The following ZBTB20 variants were observed in gnomAD, a reference collection of about 807,000 sequenced individuals.
The protein encoded by ZBTB20 is zinc finger and BTB domain-containing protein 20.
In ZBTB20, 9 loss-of-function variants were observed where a neutral mutation model predicts 56.9. The observed-to-expected ratio is 0.16, with a 90% CI of 0.10 to 0.28. The LOEUF is 0.28. Ranked by LOEUF, ZBTB20 falls within the 10% of genes least tolerant of loss-of-function variation. The pLI is 1.00. For missense variants in ZBTB20, 655 were observed against 1,003.0 expected (o/e 0.65, Z 4.69); for synonymous variants, 417 against 420.7 (o/e 0.99, Z 0.11).
intron 6 of ZBTB20, among the ~76,000 whole-genome samples, chr3:114,648,530 G>A (rs2059967151): frequency 6.6e-6 from 1 of 151,906 alleles, no homozygotes. Context: ...AAAGTGTACT[G>A]TTAACTACTA....
rs541302242 is a variant in ZBTB20 at position 114,411,172 on chromosome 3, G to C, written c.-254-22067C>G. 2.2e-3 allele frequency among the ~76,000 whole-genome samples: 342 copies of C among 152,244 alleles called. 4 individuals carry two copies. Among genetic ancestry groups the C allele is most frequent in the African/African-American group, 7.9e-3 (327 of 41,546 alleles). The stretch of plus-strand genomic sequence containing the variant: ...CAAAATATCAAAAATACACAAAGTG[G>C]GGGTGCAGAGGAGGTGCAGGATGCA... On this transcript the variant is annotated intron_variant, in intron 7 of 11. Coordinates refer to ENST00000675478, the MANE Select transcript of ZBTB20 (RefSeq NM_001348800.3).
At chr3:114,860,262 G>A (rs4682552) in intron 4 of ZBTB20, among the ~76,000 whole-genome samples, 114,058 of 151,580 alleles carry the variant, frequency 0.75, 47,258 homozygotes, top group East Asian at 0.99. Context: ...AGCCGAGATC[G>A]TGCCACTGCA....
At chr3:114,980,996 T>A (rs2108086662) in intron 2 of ZBTB20, among the ~76,000 whole-genome samples, 1 of 152,148 alleles carries the variant, frequency 6.6e-6, no homozygotes, top group African/African-American at 2.4e-5. Context: ...TATAATTTTA[T>A]CTTTCACTTA....
chr3:114,867,787 T>C (rs1403146688), intron 4 of ZBTB20, among the ~76,000 whole-genome samples: 1 of 152,154 alleles, frequency 6.6e-6, no homozygotes, highest in Non-Finnish European at 1.5e-5. Flanking sequence ...CATAGGGGCA[T>C]AAAAAGACTT....
At chr3:115,143,397 G>A (rs2084874348) in intron 1 of ZBTB20, among the ~76,000 whole-genome samples, 1 of 152,128 alleles carries the variant, frequency 6.6e-6, no homozygotes, top group Non-Finnish European at 1.5e-5. Flanking sequence ...TAGGCATGGT[G>A]GCATGCACCT....
intron 10 of ZBTB20, among the ~76,000 whole-genome samples, chr3:114,356,717 G>T (rs1219954570): frequency 6.6e-6 from 1 of 152,124 alleles, no homozygotes; most frequent in East Asian, 1.9e-4. Context: ...TTTGGTGACT[G>T]AGCCCCCTTA....
At chr3:114,598,011 T>C (rs1159495528) in intron 6 of ZBTB20, among the ~76,000 whole-genome samples, 1 of 152,106 alleles carries the variant, frequency 6.6e-6, no homozygotes. Flanking sequence ...CAGTAAAATC[T>C]CAGACACTGT....
intron 3 of ZBTB20, among the ~76,000 whole-genome samples, chr3:114,925,047 A>G (rs973812382): frequency 2.8e-5 from 4 of 144,194 alleles, no homozygotes; most frequent in Admixed American, 2.2e-4. Context: ...GCAGTGGCGC[A>G]ATCTCGGCTC....
chr3:114,550,208 A>G (rs6769596), intron 6 of ZBTB20, among the ~76,000 whole-genome samples: 27,170 of 152,152 alleles, frequency 0.18, 2,590 homozygotes, highest in South Asian at 0.26. Context: ...AAAGTGCTGG[A>G]ATTACAGGCA....
At chr3:115,131,438 G>A (rs992298673) in intron 1 of ZBTB20, among the ~76,000 whole-genome samples, 1 of 152,102 alleles carries the variant, frequency 6.6e-6, no homozygotes, top group Non-Finnish European at 1.5e-5. Context: ...ATCTGAGATA[G>A]CTTTATTTCA....
intron 4 of ZBTB20, among the ~76,000 whole-genome samples, chr3:114,841,511 T>A (rs1363926637): frequency 6.6e-6 from 1 of 152,094 alleles, no homozygotes; most frequent in Non-Finnish European, 1.5e-5. Context: ...TTAGGTGAGA[T>A]AAGATGGTAC....
chr3:114,574,011 G>A (rs2053729765), intron 6 of ZBTB20, among the ~76,000 whole-genome samples: 1 of 151,828 alleles, frequency 6.6e-6, no homozygotes, highest in Non-Finnish European at 1.5e-5. Context: ...TTATATTTGG[G>A]ATTGTTTTAG....
intron 6 of ZBTB20, among the ~76,000 whole-genome samples, chr3:114,681,147 C>A (rs2061945134): frequency 6.8e-6 from 1 of 147,698 alleles, no homozygotes; most frequent in African/African-American, 2.5e-5. Flanking sequence ...AAAAACATAA[C>A]TGAGCGTATA....
intron 2 of ZBTB20, among the ~76,000 whole-genome samples, chr3:115,028,086 A>G (rs1003856018): frequency 1.3e-5 from 2 of 150,842 alleles, no homozygotes; most frequent in Non-Finnish European, 3.0e-5. Context: ...ATTATTAACT[A>G]TAGTCATCAT....
chr3:114,961,514 T>G (rs1010128207), intron 3 of ZBTB20, among the ~76,000 whole-genome samples: 4 of 152,110 alleles, frequency 2.6e-5, no homozygotes, highest in African/African-American at 7.2e-5. Flanking sequence ...ACAAGAACAT[T>G]AGGAGGACAA....
chr3:114,394,195 A>G (rs960856383), intron 7 of ZBTB20, among the ~76,000 whole-genome samples: 2 of 152,172 alleles, frequency 1.3e-5, no homozygotes, highest in African/African-American at 2.4e-5. Context: ...TAGCAATGCT[A>G]TGGTGTATGT....
intron 2 of ZBTB20, among the ~76,000 whole-genome samples, chr3:114,986,596 C>T (rs2108119064): frequency 6.6e-6 from 1 of 152,164 alleles, no homozygotes; most frequent in Non-Finnish European, 1.5e-5. Context: ...TCTATTATAA[C>T]AATTCTTTCT....
intron 5 of ZBTB20, among the ~76,000 whole-genome samples, chr3:114,750,156 A>G (rs536547940): frequency 1.3e-5 from 2 of 152,314 alleles, no homozygotes; most frequent in Admixed American, 6.5e-5. Flanking sequence ...CCAAATCCGG[A>G]TCATAAAGAC....
Position 114,628,155 on chromosome 3 carries a change from G to A in ZBTB20, c.-295+65373C>T, listed in dbSNP as rs181198714. Among the ~76,000 whole-genome samples the A allele has an allele frequency of 6.6e-4, 101 of 151,966 alleles. 1 individual carries two copies. The highest frequency in any genetic ancestry group is 1.9e-4 in the East Asian group (1 of 5,174). ...TTGGCATCAACTGCTCAACAACTCC[G>A]CTCATAGTAATCTCTATGCTCTCAG... is the stretch of plus-strand genomic sequence containing the variant. On this transcript the variant is annotated intron_variant, in intron 6 of 11. Coordinates refer to ENST00000675478, the MANE Select transcript of ZBTB20 (RefSeq NM_001348800.3).
Sources: gnomAD v4.1 joint callset for allele counts (sites outside exome capture counted in the v4.1 genomes callset) on GRCh38, gnomAD v4.1.1 for gene constraint, MANE v1.5 for transcripts, NCBI Gene and HGNC (gene_info 2026-07-23, HGNC 2026-07-21) for gene names.